GPR20: variants seen among roughly 807,000 people sequenced by gnomAD.
The protein encoded by GPR20 is G protein-coupled receptor 20, also known as CTD-3064M3.3.
For synonymous variants in GPR20, 241 were observed against 241.9 expected (o/e 1.00, Z 0.04); for missense variants, 494 against 527.4 (o/e 0.94, Z 0.62).
At chr8:141,364,028 G>A (rs1167794078) in intron 1 of GPR20, among the ~76,000 whole-genome samples, 1 of 152,266 alleles carries the variant, frequency 6.6e-6, no homozygotes, top group Non-Finnish European at 1.5e-5. Flanking sequence ...CGGAGGCCCA[G>A]AGGGGTGAGT....
chr8:141,361,813 CTCTT>C (rs141270477), intron 1 of GPR20, among the ~76,000 whole-genome samples: 29,250 of 151,922 alleles, frequency 0.19, 3,982 homozygotes, highest in East Asian at 0.43. Context: ...GCTGCGGCAT[CTCTT>C]TCTTTTCTGT....
chr8:141,357,244 C>T lies in GPR20; in HGVS notation c.680G>A (p.Gly227Asp). ...GRIMCALSRP[G>D]LLHQGRQRRV... ...GCGCTGGCGACCCTGGTGGAGCAGACCCGGCCGCGACAGTGCACACATGAT... is the reference window on the plus strand; with the variant it reads ...GCGCTGGCGACCCTGGTGGAGCAGATCCGGCCGCGACAGTGCACACATGAT... Residue 227 changes from glycine (G) to aspartate (D), a missense_variant, in exon 2 of 2, where the codon GGT becomes GAT. By Grantham distance (94) the Gly-to-Asp change is moderately conservative (BLOSUM62 -1). Transcript: ENST00000377741. 5.2e-6 allele frequency: 8 copies of T among 1,546,544 alleles called. No individual in the cohort carries two copies. Among genetic ancestry groups the T allele is most frequent in the Non-Finnish European group, 7.0e-6 (8 of 1,149,710 alleles).
At chr8:141,364,148 C>A (rs1232134409) in intron 1 of GPR20, among the ~76,000 whole-genome samples, 1 of 152,196 alleles carries the variant, frequency 6.6e-6, no homozygotes, top group Non-Finnish European at 1.5e-5. Flanking sequence ...GGCTGGGGAG[C>A]AGAGGGGCTG....
At chr8:141,364,939 A>C (rs904883655) in intron 1 of GPR20, among the ~76,000 whole-genome samples, 2 of 151,894 alleles carry the variant, frequency 1.3e-5, no homozygotes, top group Non-Finnish European at 2.9e-5. Flanking sequence ...CCCCTCCCCA[A>C]CCTCAGCCTC....
At chr8:141,361,810 C>T (rs1831738679) in intron 1 of GPR20, among the ~76,000 whole-genome samples, 2 of 142,624 alleles carry the variant, frequency 1.4e-5, no homozygotes, top group African/African-American at 5.7e-5. Flanking sequence ...TGTGCTGCGG[C>T]ATCTCTTTCT....
chr8:141,364,787 C>T (rs565930079), intron 1 of GPR20, among the ~76,000 whole-genome samples: 9 of 151,152 alleles, frequency 6.0e-5, no homozygotes, highest in Middle Eastern at 3.4e-3. Context: ...GTTCATTGCT[C>T]ACCTCTAGCT....
chr8:141,362,437 G>A (rs1220638414), intron 1 of GPR20, among the ~76,000 whole-genome samples: 1 of 152,212 alleles, frequency 6.6e-6, no homozygotes, highest in Admixed American at 6.5e-5. Context: ...CACCAGCCCA[G>A]CACCCAGATT....
In GPR20 at chr8:141,358,337, G is replaced by C. The variant is rs557754593; in HGVS notation, c.-24-390C>G. ...CGGGGCTCCAGTGTGCAGTTCCAGG[G>C]CCTGGCTCCAGCCCCAGCTGTGCCA... On this transcript the variant is annotated intron_variant, in intron 1 of 1. Coordinates refer to ENST00000377741, the MANE Select transcript of GPR20 (RefSeq NM_005293.3). Among the ~76,000 whole-genome samples the C allele has an allele frequency of 3.3e-5, 5 of 152,348 alleles. No homozygotes were observed. In the South Asian group the frequency reaches 8.3e-4, roughly 25 times the overall value.
chr8:141,357,978 C>G, intron 1 of GPR20, 31 bp from the exon 2 acceptor site: 1 of 1,170,452 alleles, frequency 8.5e-7, no homozygotes. Context: ...TCACCCCAGG[C>G]GCCAGCCTGG....
intron 1 of GPR20, among the ~76,000 whole-genome samples, chr8:141,359,378 C>A (rs772856447): frequency 2.0e-5 from 3 of 152,250 alleles, no homozygotes; most frequent in Non-Finnish European, 2.9e-5. Flanking sequence ...CGGCCACCTT[C>A]TTCCTCAGAG....
rs148974969 is a variant in GPR20 at position 141,357,723 on chromosome 8, C to T, written c.201G>A (p.Gly67=). The part of the protein sequence containing the change: ...MAVHGAIFLA[G]LVLNGLALYV... ...ACAGCGCCAGCCCGTTGAGCACCAG[C>T]CCTGCCAGGAAGATGGCTCCGTGCA... is the stretch of plus-strand genomic sequence containing the variant. Residue 67 remains glycine (G), a synonymous_variant, in exon 2 of 2, where the codon GGG becomes GGA. Transcript: ENST00000377741. 2.0e-5 allele frequency: 33 copies of T among 1,613,236 alleles called. No individual in the cohort carries two copies. Among genetic ancestry groups the T allele is most frequent in the Non-Finnish European group, 2.5e-5 (29 of 1,179,950 alleles).
chr8:141,358,879 G>A (rs1831692173), intron 1 of GPR20, among the ~76,000 whole-genome samples: 2 of 152,208 alleles, frequency 1.3e-5, no homozygotes, highest in East Asian at 1.9e-4. Flanking sequence ...AATAAACACC[G>A]AGCTCCCGTC....
chr8:141,365,078 G>T (rs576222670), intron 1 of GPR20, among the ~76,000 whole-genome samples: 1 of 152,174 alleles, frequency 6.6e-6, no homozygotes, highest in Non-Finnish European at 1.5e-5. Flanking sequence ...CCTTCTGCCC[G>T]GAATGCTGTT....
chr8:141,364,680 C>A (rs1481509087), intron 1 of GPR20, among the ~76,000 whole-genome samples: 1 of 152,198 alleles, frequency 6.6e-6, no homozygotes, highest in East Asian at 1.9e-4. Context: ...GCTGAGACTG[C>A]GGCTCTAACG....
chr8:141,366,458 C>T (rs1240744430), intron 1 of GPR20, among the ~76,000 whole-genome samples: 1 of 152,246 alleles, frequency 6.6e-6, no homozygotes, highest in Non-Finnish European at 1.5e-5. Flanking sequence ...CAGCCCGCTG[C>T]CCCCTCGGGA....
At position 141,358,254 on chromosome 8, in the gene GPR20, G is replaced by A. The variant is rs1353408294; in HGVS notation, c.-24-307C>T. Among the ~76,000 whole-genome samples, 53 of 152,250 alleles carry A rather than the reference G, an allele frequency of 3.5e-4. 1 individual carries two copies. Among genetic ancestry groups the A allele is most frequent in the Admixed American group, 3.1e-3 (48 of 15,284 alleles). On this transcript the variant is annotated intron_variant, in intron 1 of 1. Transcript: ENST00000377741. ...GACCGTCCTGGCACGAGGGGGAGGC[G>A]GAAACACGTGCGGTGCAGGGCTGTC...
intron 1 of GPR20, among the ~76,000 whole-genome samples, chr8:141,358,565 C>G (rs1360924462): frequency 2.0e-5 from 3 of 152,230 alleles, no homozygotes; most frequent in Admixed American, 2.0e-4. Flanking sequence ...GCCCACTCCC[C>G]TGTCCCCACA....
chr8:141,360,141 TG>T (rs558827399), intron 1 of GPR20, among the ~76,000 whole-genome samples: 1 of 152,070 alleles, frequency 6.6e-6, no homozygotes, highest in African/African-American at 2.4e-5. Flanking sequence ...TCTCTGGAGC[TG>T]GGGGGATGGG....
At chr8:141,358,823 T>C (rs1831691303) in intron 1 of GPR20, among the ~76,000 whole-genome samples, 1 of 152,112 alleles carries the variant, frequency 6.6e-6, no homozygotes, top group African/African-American at 2.4e-5. Flanking sequence ...GAGGCCCCTG[T>C]GGGGTGGCTG....
Sources: allele counts gnomAD v4.1 joint callset (sites outside exome capture counted in the v4.1 genomes callset), GRCh38; gene constraint gnomAD v4.1.1; transcripts MANE v1.5; gene names NCBI Gene and HGNC (gene_info 2026-07-23, HGNC 2026-07-21).